The following PRKG1 variants were observed in gnomAD, a reference collection of about 807,000 sequenced individuals.
PRKG1 encodes cGMP-dependent protein kinase 1.
A neutral mutation model predicts 88.1 loss-of-function variants in PRKG1; 35 were observed. The ratio of observed to expected loss-of-function variants is 0.40; its 90% confidence interval spans 0.30 to 0.53. The LOEUF (loss-of-function observed/expected upper bound fraction) is 0.53. Among genes scored for constraint, PRKG1 ranks in the 20% least tolerant of loss-of-function variants. The pLI, the probability that PRKG1 is intolerant of heterozygous loss-of-function variation, is 0.59. For missense variants in PRKG1, 540 were observed against 839.8 expected, an observed-to-expected ratio of 0.64 and a Z score of 4.41; for synonymous variants, 303 against 292.5, an observed-to-expected ratio of 1.04 and a Z score of -0.37.
intron 4 of PRKG1, among the ~76,000 whole-genome samples, chr10:51,817,766 T>C (rs1448704978): frequency 6.6e-6 from 1 of 152,216 alleles, no homozygotes; most frequent in Non-Finnish European, 1.5e-5. Context: ...AGTTAAATAC[T>C]GAACAGCAAG....
intron 1 of PRKG1, among the ~76,000 whole-genome samples, chr10:51,023,854 C>T (rs1172068715): frequency 2.6e-5 from 4 of 152,182 alleles, no homozygotes; most frequent in Non-Finnish European, 5.9e-5. Context: ...AACACAAAAA[C>T]AATGTTCACT....
At chr10:51,165,004 T>C (rs990888550) in intron 2 of PRKG1, among the ~76,000 whole-genome samples, 7 of 152,238 alleles carry the variant, frequency 4.6e-5, no homozygotes, top group Non-Finnish European at 5.9e-5. Context: ...ACTTCCCCAA[T>C]CTAGCAAGGC....
chr10:52,269,832 T>C (rs886558328), intron 10 of PRKG1, among the ~76,000 whole-genome samples: 1 of 152,118 alleles, frequency 6.6e-6, no homozygotes. Flanking sequence ...TTGAAATTTC[T>C]TGTAAAACCA....
chr10:51,907,402 G>C, intron 4 of PRKG1, 105 bp from the exon 5 acceptor site: 1 of 744,580 alleles, frequency 1.3e-6, no homozygotes, highest in East Asian at 3.1e-5. Flanking sequence ...CAGATTCCTT[G>C]TCATGAAATA....
chr10:51,382,281 G>A (rs1837126921), intron 2 of PRKG1, among the ~76,000 whole-genome samples: 1 of 152,230 alleles, frequency 6.6e-6, no homozygotes, highest in Non-Finnish European at 1.5e-5. Flanking sequence ...AAGGTGATAT[G>A]AGAACAACAA....
chr10:51,975,816 T>C (rs2133098795), intron 5 of PRKG1, among the ~76,000 whole-genome samples: 1 of 152,144 alleles, frequency 6.6e-6, no homozygotes, highest in South Asian at 2.1e-4. Context: ...CACATTTTGT[T>C]CTCAAAATGA....
intron 1 of PRKG1, among the ~76,000 whole-genome samples, chr10:51,102,100 G>A (rs2131882648): frequency 6.6e-6 from 1 of 152,296 alleles, no homozygotes; most frequent in Non-Finnish European, 1.5e-5. Context: ...GCAGAGTTGG[G>A]AAGAGATGTG....
At chr10:51,546,679 G>A (rs189744053) in intron 3 of PRKG1, among the ~76,000 whole-genome samples, 1 of 151,918 alleles carries the variant, frequency 6.6e-6, no homozygotes, top group African/African-American at 2.4e-5. Flanking sequence ...AGATTTTTAT[G>A]CATAATGAAT....
chr10:52,228,695 T>C (rs946628767), intron 9 of PRKG1, among the ~76,000 whole-genome samples: 5 of 152,180 alleles, frequency 3.3e-5, no homozygotes, highest in Non-Finnish European at 5.9e-5. Flanking sequence ...ATAATAACAA[T>C]AGTATCATAC....
chr10:51,620,196 C>A (rs1357440469), intron 3 of PRKG1, among the ~76,000 whole-genome samples: 1 of 152,026 alleles, frequency 6.6e-6, no homozygotes, highest in African/African-American at 2.4e-5. Flanking sequence ...CATAATAAAT[C>A]TTCTATGAAT....
intron 2 of PRKG1, among the ~76,000 whole-genome samples, chr10:51,242,647 A>G (rs1839184612): frequency 6.6e-6 from 1 of 152,176 alleles, no homozygotes; most frequent in South Asian, 2.1e-4. Context: ...ACACTGGGAT[A>G]AATGCAATTG....
intron 3 of PRKG1, among the ~76,000 whole-genome samples, chr10:51,680,185 C>G (rs978343754): frequency 6.6e-6 from 1 of 151,582 alleles, no homozygotes; most frequent in African/African-American, 2.4e-5. Context: ...ATCCTTCATC[C>G]GGATAAAAGG....
At chr10:52,062,278 G>C (rs1387444291) in intron 6 of PRKG1, among the ~76,000 whole-genome samples, 1 of 151,992 alleles carries the variant, frequency 6.6e-6, no homozygotes, top group Non-Finnish European at 1.5e-5. Flanking sequence ...TAGAGATGAG[G>C]AGTGAGATCA....
intron 3 of PRKG1, among the ~76,000 whole-genome samples, chr10:51,802,249 G>A (rs1378635846): frequency 3.3e-5 from 5 of 152,050 alleles, no homozygotes; most frequent in African/African-American, 4.8e-5. Context: ...TATGTATGTT[G>A]GCCAAAGCTA....
At chr10:51,675,705 A>G (rs1483557313) in intron 3 of PRKG1, among the ~76,000 whole-genome samples, 1 of 152,148 alleles carries the variant, frequency 6.6e-6, no homozygotes, top group African/African-American at 2.4e-5. Context: ...AAAGTTTGCT[A>G]ATTTTGCTAA....
chr10:52,269,443 A>G lies in PRKG1; in HGVS notation c.1174-1907A>G, dbSNP rs571885856. On this transcript the variant is annotated intron_variant, in intron 10 of 17. Coordinates refer to ENST00000373980, the MANE Select transcript of PRKG1 (RefSeq NM_006258.4). ...CCTCTACCTGTCATACTGATTCACAATTGCTGGCAGCTAACCGAGGCCCAT... is the reference window on the plus strand; with the variant it reads ...CCTCTACCTGTCATACTGATTCACAGTTGCTGGCAGCTAACCGAGGCCCAT... 1.6e-4 allele frequency among the ~76,000 whole-genome samples: 24 copies of G among 152,164 alleles called. 1 individual carries two copies. The highest frequency in any genetic ancestry group is 5.5e-4 in the African/African-American group (23 of 41,512).
intron 5 of PRKG1, among the ~76,000 whole-genome samples, chr10:52,014,167 G>T (rs777995188): frequency 6.6e-6 from 1 of 152,126 alleles, no homozygotes; most frequent in African/African-American, 2.4e-5. Context: ...TAGTCTACTT[G>T]CACATTGCTA....
intron 3 of PRKG1, among the ~76,000 whole-genome samples, chr10:51,631,047 T>C (rs902736641): frequency 6.6e-6 from 1 of 152,222 alleles, no homozygotes; most frequent in African/African-American, 2.4e-5. Context: ...GGCTTCTTCG[T>C]TGGATAGCCG....
intron 2 of PRKG1, among the ~76,000 whole-genome samples, chr10:51,356,781 CT>C (rs1219917991): frequency 1.3e-5 from 2 of 151,946 alleles, no homozygotes; most frequent in African/African-American, 4.8e-5. Context: ...TTATTTGACT[CT>C]TTTCATCCTC....
Sources: allele counts gnomAD v4.1 joint callset (sites outside exome capture counted in the v4.1 genomes callset), GRCh38; gene constraint gnomAD v4.1.1; transcripts MANE v1.5; gene names NCBI Gene and HGNC (gene_info 2026-07-23, HGNC 2026-07-21).